C12orf42: variants seen among roughly 807,000 people sequenced by gnomAD.
The protein encoded by C12orf42 is chromosome 12 open reading frame 42, also known as uncharacterized protein C12orf42.
Under a neutral mutation model 21.6 loss-of-function variants are expected in C12orf42, and 25 were observed. The ratio of observed to expected loss-of-function variants is 1.16; its 90% CI spans 0.84 to 1.62. The LOEUF (loss-of-function observed/expected upper bound fraction) is 1.62, where lower values mean the gene tolerates loss of function less well. Among genes scored for constraint, C12orf42 ranks in the 40% most tolerant of loss-of-function variants. The pLI is 0.00. For synonymous variants in C12orf42, 174 were observed against 175.0 expected, an observed-to-expected ratio of 0.99 and a Z score of 0.05; for missense variants, 483 against 459.3, an observed-to-expected ratio of 1.05 and a Z score of -0.47.
At chr12:103,280,883 G>A (rs527898713) in intron 4 of C12orf42, among the ~76,000 whole-genome samples, 22 of 152,106 alleles carry the variant, frequency 1.4e-4, no homozygotes, top group Non-Finnish European at 1.9e-4. Flanking sequence ...GCCACTGAGA[G>A]GAAAATGTGG....
chr12:103,414,924 A>C (rs2049172958), intron 2 of C12orf42, among the ~76,000 whole-genome samples: 1 of 152,014 alleles, frequency 6.6e-6, no homozygotes, highest in South Asian at 2.1e-4. Flanking sequence ...TATTATGTTG[A>C]ATAAGAGTGG....
chr12:103,374,751 GGCTGCA>G (rs2045550289), intron 3 of C12orf42, among the ~76,000 whole-genome samples: 2 of 152,042 alleles, frequency 1.3e-5, no homozygotes, highest in Admixed American at 6.5e-5. Context: ...AGCTGTCCTG[GGCTGCA>G]TGTGGCCCAT....
the C12orf42 span, chr12:103,503,393 G>A: frequency 6.6e-6 from 1 of 152,290 alleles, no homozygotes; most frequent in Admixed American, 6.5e-5. Flanking sequence ...GACCCTGAGA[G>A]GCATCTCTGT....
At chr12:103,133,246 C>T in the C12orf42 span, among the ~76,000 whole-genome samples, 24 of 152,284 alleles carry the variant, frequency 1.6e-4, no homozygotes, top group African/African-American at 5.8e-4. Context: ...CCACTTCTAA[C>T]ACCAACATTT....
the C12orf42 span, chr12:103,168,241 T>G: frequency 2.7e-6 from 1 of 365,788 alleles, no homozygotes; most frequent in South Asian, 2.1e-5. Flanking sequence ...TGTACTCAAT[T>G]TATTCAGTGT....
At chr12:103,454,442 A>G (rs1043397387) in intron 2 of C12orf42, among the ~76,000 whole-genome samples, 11 of 152,130 alleles carry the variant, frequency 7.2e-5, no homozygotes, top group Non-Finnish European at 1.2e-4. Flanking sequence ...TATGTAATAC[A>G]TCTTGGAAAG....
At chr12:103,208,207 C>A in the C12orf42 span, among the ~76,000 whole-genome samples, 5 of 152,138 alleles carry the variant, frequency 3.3e-5, no homozygotes, top group Non-Finnish European at 7.4e-5. Flanking sequence ...ACAAAAGGTG[C>A]GCTGGGGTGA....
At chr12:103,309,925 A>T (rs1455973377) in intron 4 of C12orf42, among the ~76,000 whole-genome samples, 1 of 152,236 alleles carries the variant, frequency 6.6e-6, no homozygotes, top group Non-Finnish European at 1.5e-5. Flanking sequence ...GAAATGAAAT[A>T]AGGGTCCAAG....
At chr12:103,551,051 A>G in the C12orf42 span, among the ~76,000 whole-genome samples, 20 of 152,220 alleles carry the variant, frequency 1.3e-4, 1 homozygote, top group African/African-American at 4.3e-4. Context: ...TTTAAAATAG[A>G]ATACCTAAGA....
chr12:103,321,239 A>C (rs2040067692), intron 4 of C12orf42, among the ~76,000 whole-genome samples: 1 of 151,592 alleles, frequency 6.6e-6, no homozygotes, highest in Non-Finnish European at 1.5e-5. Context: ...GAAGACATTT[A>C]TGCAGCCAAA....
At chr12:103,348,832 A>T (rs1483260445) in intron 4 of C12orf42, among the ~76,000 whole-genome samples, 3 of 152,314 alleles carry the variant, frequency 2.0e-5, no homozygotes, top group Non-Finnish European at 4.4e-5. Flanking sequence ...GAGCAGGGTG[A>T]GATAAGGAAC....
the C12orf42 span, among the ~76,000 whole-genome samples, chr12:103,151,527 A>G: frequency 3.0e-4 from 45 of 152,326 alleles, 1 homozygote; most frequent in Admixed American, 2.0e-3. Context: ...TAGTTCAAGT[A>G]TGGTAAAATG....
intron 4 of C12orf42, among the ~76,000 whole-genome samples, chr12:103,294,294 G>C (rs1023456166): frequency 6.6e-6 from 1 of 150,828 alleles, no homozygotes; most frequent in African/African-American, 2.4e-5. Context: ...TTCCCATAGA[G>C]GAGGGAAAAC....
chr12:103,324,406 A>C (rs997595350), intron 4 of C12orf42, among the ~76,000 whole-genome samples: 3 of 152,192 alleles, frequency 2.0e-5, no homozygotes, highest in African/African-American at 7.2e-5. Context: ...TCACCCAAAA[A>C]AATTAGTCCC....
the C12orf42 span, among the ~76,000 whole-genome samples, chr12:103,179,023 T>C: frequency 3.3e-5 from 5 of 152,216 alleles, no homozygotes; most frequent in African/African-American, 7.2e-5. Flanking sequence ...ATCTGAATTA[T>C]TTAGAAGTAA....
At chr12:103,336,263 T>C (rs1425361465) in intron 4 of C12orf42, among the ~76,000 whole-genome samples, 1 of 152,242 alleles carries the variant, frequency 6.6e-6, no homozygotes, top group Non-Finnish European at 1.5e-5. Flanking sequence ...ATAGTCTTTA[T>C]GTCTTTCTGT....
intron 10 of C12orf42, among the ~76,000 whole-genome samples, chr12:103,254,244 G>A (rs189617285): frequency 2.2e-4 from 33 of 152,106 alleles, no homozygotes; most frequent in South Asian, 2.1e-4. Context: ...ATCCTTTCCC[G>A]GTTGCTTGTT....
At chr12:103,199,075 C>T in the C12orf42 span, among the ~76,000 whole-genome samples, 1 of 152,238 alleles carries the variant, frequency 6.6e-6, no homozygotes, top group East Asian at 1.9e-4. Context: ...TATAAAACTA[C>T]AGTAATCAAA....
At chr12:103,384,389 A>G (rs1010176145) in intron 3 of C12orf42, among the ~76,000 whole-genome samples, 7 of 152,230 alleles carry the variant, frequency 4.6e-5, no homozygotes, top group African/African-American at 1.4e-4. Flanking sequence ...AGTGGTTTGT[A>G]TACCAGGCAC....
Sources: gnomAD v4.1 joint callset for allele counts (sites outside exome capture counted in the v4.1 genomes callset) on GRCh38, gnomAD v4.1.1 for gene constraint, MANE v1.5 for transcripts, NCBI Gene and HGNC (gene_info 2026-07-23, HGNC 2026-07-21) for gene names.